The following ADCY2 variants were observed in gnomAD, a reference collection of about 807,000 sequenced individuals.
ADCY2 encodes the protein adenylate cyclase 2.
In ADCY2, 31 loss-of-function variants were observed where a neutral mutation model predicts 125.2. The observed-to-expected ratio is 0.25, with a 90% confidence interval of 0.19 to 0.33. The LOEUF (loss-of-function observed/expected upper bound fraction) is 0.33, where lower values mean the gene tolerates loss of function less well. Among genes scored for constraint, ADCY2 ranks in the 10% least tolerant of loss-of-function variants. ADCY2 has a pLI of 1.00. For synonymous variants in ADCY2, 512 were observed against 548.4 expected (o/e 0.93, Z 0.93); for missense variants, 904 against 1,418.2 (o/e 0.64, Z 5.82).
intron 16 of ADCY2, among the ~76,000 whole-genome samples, chr5:7,765,807 A>G (rs1171399128): frequency 2.0e-5 from 3 of 152,196 alleles, no homozygotes; most frequent in African/African-American, 7.2e-5. Context: ...AGTAAAAGGA[A>G]TGGGCTGAAG....
At chr5:7,571,259 C>T (rs1187379280) in intron 3 of ADCY2, among the ~76,000 whole-genome samples, 4 of 152,066 alleles carry the variant, frequency 2.6e-5, no homozygotes, top group African/African-American at 9.7e-5. Context: ...GCAAGAAAGC[C>T]AGTGGTCCAA....
chr5:7,566,004 G>C (rs898695422), intron 3 of ADCY2, among the ~76,000 whole-genome samples: 1 of 152,156 alleles, frequency 6.6e-6, no homozygotes, highest in Non-Finnish European at 1.5e-5. Flanking sequence ...CTAGCCTTAT[G>C]TTCATAATAA....
rs183165223 is a variant in ADCY2 at position 7,530,408 on chromosome 5, A to T, written c.570+9509A>T. On this transcript the variant is annotated intron_variant, in intron 3 of 24. Transcript: ENST00000338316. ...CAGAGCCCAAGTCTGGTTCTGATTG[A>T]CTGCCCTGACACTCAGGCTGGAAGA... Among the ~76,000 whole-genome samples the T allele has an allele frequency of 3.9e-4, 60 of 152,200 alleles. 1 individual carries two copies. The highest frequency in any genetic ancestry group is 1.4e-3 in the African/African-American group (60 of 41,530).
intron 3 of ADCY2, among the ~76,000 whole-genome samples, chr5:7,569,171 G>A (rs1338604651): frequency 1.3e-5 from 2 of 152,222 alleles, no homozygotes; most frequent in Non-Finnish European, 2.9e-5. Flanking sequence ...AAGGCACTAC[G>A]GACACCAAAG....
At chr5:7,785,048 A>G (rs1744040241) in intron 19 of ADCY2, among the ~76,000 whole-genome samples, 1 of 152,236 alleles carries the variant, frequency 6.6e-6, no homozygotes, top group Admixed American at 6.5e-5. Context: ...ACAGTTGCCC[A>G]AAGACTACAA....
At chr5:7,479,119 T>C (rs1174729429) in intron 2 of ADCY2, among the ~76,000 whole-genome samples, 1 of 152,164 alleles carries the variant, frequency 6.6e-6, no homozygotes, top group Admixed American at 6.6e-5. Context: ...GATTATTATA[T>C]ACTTGATTCA....
intron 24 of ADCY2, among the ~76,000 whole-genome samples, chr5:7,823,822 G>A (rs189377595): frequency 1.0e-3 from 159 of 152,294 alleles, no homozygotes; most frequent in Middle Eastern, 3.4e-3. Context: ...CCTAGAGGTC[G>A]ATGTTTGAAA....
intron 17 of ADCY2, among the ~76,000 whole-genome samples, chr5:7,768,646 A>T (rs1396664857): frequency 6.6e-6 from 1 of 152,260 alleles, no homozygotes; most frequent in Non-Finnish European, 1.5e-5. Context: ...AATTTCATTT[A>T]GGTAAATCTG....
chr5:7,433,765 A>G (rs1443388332), intron 2 of ADCY2, among the ~76,000 whole-genome samples: 1 of 152,024 alleles, frequency 6.6e-6, no homozygotes, highest in Non-Finnish European at 1.5e-5. Context: ...GAGCTCAGAA[A>G]GAGACTTGTT....
intron 11 of ADCY2, among the ~76,000 whole-genome samples, chr5:7,713,251 G>A (rs752413743): frequency 6.6e-6 from 1 of 152,112 alleles, no homozygotes; most frequent in African/African-American, 2.4e-5. Context: ...AGCACTTTGG[G>A]AGGCTGAGGC....
chr5:7,506,106 C>G (rs1335004928), intron 2 of ADCY2, among the ~76,000 whole-genome samples: 1 of 152,088 alleles, frequency 6.6e-6, no homozygotes, highest in East Asian at 1.9e-4. Flanking sequence ...CAAATTGTTT[C>G]ATGCATCACT....
At position 7,513,106 on chromosome 5, in the gene ADCY2, C is replaced by CAGAG. The variant is rs1554015691; in HGVS notation, c.409-7611_409-7608dup. On this transcript the variant is annotated intron_variant, in intron 2 of 24. Transcript: ENST00000338316. ...ACACACACACACACACACACACACA[C>CAGAG]AGAGAGAGAGAGAGAGAGAGAGAGC... Among the ~76,000 whole-genome samples the CAGAG allele has an allele frequency of 2.5e-3, 340 of 138,528 alleles. 3 individuals carry two copies. The East Asian group carries it at 0.033, about 14-fold the overall frequency. The allele number at this position is 138,528 out of a possible 152,430, so 90.9% of individuals were successfully genotyped here.
At chr5:7,468,629 G>A (rs1440231391) in intron 2 of ADCY2, among the ~76,000 whole-genome samples, 2 of 152,130 alleles carry the variant, frequency 1.3e-5, no homozygotes, top group Admixed American at 6.5e-5. Flanking sequence ...CTAATGGTGG[G>A]TGGGTGGGAA....
At chr5:7,688,056 TA>T (rs1740577157) in intron 4 of ADCY2, among the ~76,000 whole-genome samples, 3 of 16,262 alleles carry the variant, frequency 1.8e-4, no homozygotes, top group African/African-American at 1.6e-3. Context: ...GATTTCCAAA[TA>T]GATAGCCTAG....
chr5:7,546,024 A>T (rs1337204808), intron 3 of ADCY2, among the ~76,000 whole-genome samples: 1 of 152,222 alleles, frequency 6.6e-6, no homozygotes, highest in Non-Finnish European at 1.5e-5. Context: ...CTGTCTTAGG[A>T]AGCCATCCCT....
chr5:7,516,509 C>G (rs1744258845), intron 2 of ADCY2, among the ~76,000 whole-genome samples: 1 of 152,136 alleles, frequency 6.6e-6, no homozygotes, highest in Non-Finnish European at 1.5e-5. Flanking sequence ...CAGTCTGGGT[C>G]TGGGGACCCA....
intron 3 of ADCY2, among the ~76,000 whole-genome samples, chr5:7,580,395 ATAAG>A (rs1554021354): frequency 6.6e-6 from 1 of 152,174 alleles, no homozygotes; most frequent in Non-Finnish European, 1.5e-5. Context: ...AATAGAAACT[ATAAG>A]AAGGAACCAT....
chr5:7,707,988 A>T, intron 9 of ADCY2, 150 bp downstream of exon 9: 1 of 814,830 alleles, frequency 1.2e-6, no homozygotes, highest in Non-Finnish European at 1.8e-6. Context: ...TAATTACAGA[A>T]GATGTTTTGT....
chr5:7,594,402 T>C (rs1246983373), intron 3 of ADCY2, among the ~76,000 whole-genome samples: 3 of 152,216 alleles, frequency 2.0e-5, no homozygotes, highest in Non-Finnish European at 4.4e-5. Flanking sequence ...GGCAGATGTG[T>C]ACCAGGTCAA....
Sources: allele counts gnomAD v4.1 joint callset (sites outside exome capture counted in the v4.1 genomes callset), GRCh38; gene constraint gnomAD v4.1.1; transcripts MANE v1.5; gene names NCBI Gene and HGNC (gene_info 2026-07-23, HGNC 2026-07-21).